Variants in BRMS1L observed in about 807,000 individuals in gnomAD.
The protein encoded by BRMS1L is BRMS1 like transcriptional repressor, also known as breast cancer metastasis-suppressor 1-like protein.
In BRMS1L, 23 loss-of-function variants were observed where a neutral mutation model predicts 50.3. The ratio of observed to expected loss-of-function variants is 0.46; its 90% confidence interval spans 0.33 to 0.65. The LOEUF (loss-of-function observed/expected upper bound fraction) is 0.65. Ranked by LOEUF, BRMS1L falls within the 30% of genes least tolerant of loss-of-function variation. BRMS1L has a pLI of 0.02. For missense variants in BRMS1L, 286 were observed against 386.1 expected (o/e 0.74, Z 2.17); for synonymous variants, 114 against 126.9 (o/e 0.90, Z 0.69).
intron 4 of BRMS1L, among the ~76,000 whole-genome samples, chr14:35,845,816 C>T (rs1391127898): frequency 6.6e-6 from 1 of 152,126 alleles, no homozygotes; most frequent in Admixed American, 6.5e-5. Flanking sequence ...TGTTCACCAG[C>T]GTGATCATAG....
intron 4 of BRMS1L, among the ~76,000 whole-genome samples, chr14:35,847,644 A>G (rs2078154391): frequency 6.6e-6 from 1 of 152,224 alleles, no homozygotes; most frequent in South Asian, 2.1e-4. Flanking sequence ...CTATAGGCAC[A>G]ATGTTGTATG....
At chr14:35,847,282 C>G (rs1002854196) in intron 4 of BRMS1L, among the ~76,000 whole-genome samples, 2 of 151,976 alleles carry the variant, frequency 1.3e-5, no homozygotes, top group African/African-American at 4.8e-5. Flanking sequence ...CTGGCCATCT[C>G]TTTGTATTTT....
intron 4 of BRMS1L, among the ~76,000 whole-genome samples, chr14:35,841,998 C>CTTTTTTTTT (rs574267347): frequency 4.2e-4 from 47 of 112,204 alleles, no homozygotes; most frequent in African/African-American, 1.5e-3. Flanking sequence ...GCAATCTCTG[C>CTTTTTTTTT]TTTTTTTTTT....
intron 4 of BRMS1L, among the ~76,000 whole-genome samples, chr14:35,844,769 C>T (rs1364333784): frequency 6.6e-6 from 1 of 152,132 alleles, no homozygotes; most frequent in Non-Finnish European, 1.5e-5. Flanking sequence ...ATAGCAAGAC[C>T]CCATCACTAA....
rs146559436 is a variant in BRMS1L at position 35,841,711 on chromosome 14, G to T, written c.441+6788G>T. The stretch of plus-strand genomic sequence containing the variant: ...TTAGGTCTCCTTGGTCCAGAGCTGA[G>T]TTCAAGTCCTGAATATCCTTGTTAA... On this transcript the variant is annotated intron_variant, in intron 4 of 9. Coordinates refer to ENST00000216807, the MANE Select transcript of BRMS1L (RefSeq NM_032352.4). Among the ~76,000 whole-genome samples, 398 of 152,294 alleles carry T rather than the reference G, an allele frequency of 2.6e-3. 11 individuals are homozygous for T. In the East Asian group the frequency reaches 0.046, roughly 17 times the overall value.
intron 4 of BRMS1L, among the ~76,000 whole-genome samples, chr14:35,840,774 G>T (rs2078052986): frequency 6.6e-6 from 1 of 151,410 alleles, no homozygotes; most frequent in African/African-American, 2.4e-5. Flanking sequence ...TTATTAGTCT[G>T]GCTAGTGGTC....
At chr14:35,861,775 C>G (rs779569123) in intron 4 of BRMS1L, among the ~76,000 whole-genome samples, 1 of 152,186 alleles carries the variant, frequency 6.6e-6, no homozygotes, top group Non-Finnish European at 1.5e-5. Context: ...TACATGTAGT[C>G]ATATCCAACT....
chr14:35,838,608 A>G (rs528531179), intron 4 of BRMS1L, among the ~76,000 whole-genome samples: 4 of 152,292 alleles, frequency 2.6e-5, no homozygotes, highest in African/African-American at 9.6e-5. Context: ...TTTGATTTGC[A>G]TGTCTCTAAT....
chr14:35,830,563 G>C (rs576365096), intron 1 of BRMS1L, among the ~76,000 whole-genome samples: 9 of 152,132 alleles, frequency 5.9e-5, no homozygotes, highest in South Asian at 4.2e-4. Flanking sequence ...TCACCATGTT[G>C]CCCAGGCTGG....
chr14:35,838,221 G>A (rs956451940), intron 4 of BRMS1L, among the ~76,000 whole-genome samples: 5 of 152,150 alleles, frequency 3.3e-5, no homozygotes, highest in Admixed American at 2.0e-4. Context: ...TTCTATGGCT[G>A]CATAGTATTC....
chr14:35,843,159 C>T (rs2078088457), intron 4 of BRMS1L, among the ~76,000 whole-genome samples: 2 of 152,170 alleles, frequency 1.3e-5, no homozygotes, highest in African/African-American at 4.8e-5. Flanking sequence ...TTATTACCCA[C>T]CTACTGAAGC....
At chr14:35,829,382 T>G (rs188762270) in intron 1 of BRMS1L, among the ~76,000 whole-genome samples, 20 of 152,370 alleles carry the variant, frequency 1.3e-4, no homozygotes, top group African/African-American at 4.8e-4. Context: ...TTGTGATTTT[T>G]AACTTTTAAA....
chr14:35,860,579 TA>T (rs397852632), intron 4 of BRMS1L, among the ~76,000 whole-genome samples: 4,031 of 134,740 alleles, frequency 0.03, 130 homozygotes, highest in African/African-American at 0.089. Context: ...GCAGTATGCT[TA>T]AAAAAAAAAA....
At chr14:35,840,849 T>G (rs1479273643) in intron 4 of BRMS1L, among the ~76,000 whole-genome samples, 2 of 152,112 alleles carry the variant, frequency 1.3e-5, no homozygotes, top group African/African-American at 4.8e-5. Flanking sequence ...CTCTTTCTCC[T>G]TCAGTTCTGC....
chr14:35,835,145 G>T (rs373486864), intron 4 of BRMS1L, among the ~76,000 whole-genome samples: 1 of 151,926 alleles, frequency 6.6e-6, no homozygotes, highest in Non-Finnish European at 1.5e-5. Context: ...AATTTTAGAA[G>T]TTTTGCAGCT....
chr14:35,836,798 C>T (rs954818315), intron 4 of BRMS1L, among the ~76,000 whole-genome samples: 2 of 152,054 alleles, frequency 1.3e-5, no homozygotes, highest in African/African-American at 4.8e-5. Flanking sequence ...CCTGTAATCC[C>T]AGCACTTTAG....
intron 9 of BRMS1L, among the ~76,000 whole-genome samples, chr14:35,869,244 A>G (rs957356246): frequency 1.3e-5 from 2 of 152,276 alleles, no homozygotes; most frequent in East Asian, 1.9e-4. Flanking sequence ...ACTACTTAGC[A>G]TAAAAGTTGT....
chr14:35,844,425 C>G (rs898165408), intron 4 of BRMS1L, among the ~76,000 whole-genome samples: 2 of 152,152 alleles, frequency 1.3e-5, no homozygotes, highest in South Asian at 4.1e-4. Context: ...TCATGGCTCC[C>G]CTTGGCTAGG....
chr14:35,836,332 G>A (rs911816546), intron 4 of BRMS1L, among the ~76,000 whole-genome samples: 6 of 151,896 alleles, frequency 4.0e-5, no homozygotes, highest in Admixed American at 3.9e-4. Context: ...TTTATTTATG[G>A]GATGTGTTTT....
Sources: gnomAD v4.1 joint callset for allele counts (sites outside exome capture counted in the v4.1 genomes callset) on GRCh38, gnomAD v4.1.1 for gene constraint, MANE v1.5 for transcripts, NCBI Gene and HGNC (gene_info 2026-07-23, HGNC 2026-07-21) for gene names.